WAC: variants seen among roughly 807,000 people sequenced by gnomAD.
The protein encoded by WAC is WW domain-containing adapter protein with coiled-coil.
Under a neutral mutation model 79.6 loss-of-function variants are expected in WAC, and 11 were observed. That is an observed-to-expected ratio of 0.14 (90% CI 0.09 to 0.23). WAC has a LOEUF of 0.23. WAC is among the 10% of genes least tolerant of loss of function. The pLI is 1.00. For missense variants in WAC, 728 were observed against 773.5 expected, an observed-to-expected ratio of 0.94 and a Z score of 0.70; for synonymous variants, 304 against 276.9, an observed-to-expected ratio of 1.10 and a Z score of -0.97.
chr10:28,565,442 A>T (rs1445542624), intron 3 of WAC, among the ~76,000 whole-genome samples: 1 of 152,136 alleles, frequency 6.6e-6, no homozygotes, highest in African/African-American at 2.4e-5. Context: ...GCTCAATCAT[A>T]GCTCACTGCA....
At chr10:28,611,661 G>C (rs1163943492) in intron 9 of WAC, 113 bp from the exon 10 acceptor site, 4 of 1,357,394 alleles carry the variant, frequency 2.9e-6, no homozygotes, top group Non-Finnish European at 4.0e-6. Context: ...GGTAATATGG[G>C]GGTGGGGGGG....
intron 7 of WAC, among the ~76,000 whole-genome samples, chr10:28,606,049 T>G (rs1406743421): frequency 1.3e-4 from 8 of 62,986 alleles, no homozygotes; most frequent in Non-Finnish European, 2.3e-4. Context: ...TGACAGCAGT[T>G]TTTTGGTTTT....
intron 3 of WAC, among the ~76,000 whole-genome samples, chr10:28,555,893 A>G (rs1396481981): frequency 3.3e-5 from 5 of 152,146 alleles, no homozygotes; most frequent in Non-Finnish European, 7.4e-5. Flanking sequence ...CACGAACTAA[A>G]TGAGCTTCTA....
rs1299367278 is a variant in WAC at position 28,620,380 on chromosome 10, G to A, written c.*774G>A. The stretch of plus-strand genomic sequence containing the variant: ...ATCCATTTGCACCCTGTTAAGAATG[G>A]ACTTAAAAGTACTGCTGGACAGGCA... On this transcript the variant is annotated 3_prime_UTR_variant, in exon 14 of 14. Coordinates refer to ENST00000354911, the MANE Select transcript of WAC (RefSeq NM_016628.5). 1 of 152,568 alleles carries A rather than the reference G, an allele frequency of 6.6e-6. No homozygotes were observed. Among genetic ancestry groups the A allele is most frequent in the East Asian group, 1.9e-4 (1 of 5,170 alleles). 9.5% of individuals were successfully genotyped at this position (152,568 alleles called of 1,614,324 possible). A position where few individuals can be genotyped will look rare whatever the true frequency, so the allele number is the denominator to read the frequency against.
At chr10:28,589,231 AC>A (rs1449670859) in intron 4 of WAC, 2 of 152,424 alleles carry the variant, frequency 1.3e-5, no homozygotes, top group African/African-American at 4.8e-5. Context: ...AAACAAACTT[AC>A]AGCTTTTAAT....
At chr10:28,592,289 G>A (rs1840132506) in intron 6 of WAC, among the ~76,000 whole-genome samples, 1 of 152,258 alleles carries the variant, frequency 6.6e-6, no homozygotes. Flanking sequence ...CCAGCTTGTG[G>A]GTTTTTTGAG....
At chr10:28,541,978 A>G (rs1487515727) in intron 3 of WAC, among the ~76,000 whole-genome samples, 1 of 152,106 alleles carries the variant, frequency 6.6e-6, no homozygotes, top group Non-Finnish European at 1.5e-5. Flanking sequence ...ACGGCCCTCC[A>G]GTGACTCCCT....
At chr10:28,591,465 C>A (rs332154) in intron 6 of WAC, 127,293 of 152,228 alleles carry the variant, frequency 0.84, 53,347 homozygotes, top group East Asian at 0.94. Flanking sequence ...ATTTTGTGCT[C>A]GTGGGACAAT....
intron 3 of WAC, among the ~76,000 whole-genome samples, chr10:28,557,176 C>A (rs1330741692): frequency 2.0e-5 from 3 of 151,672 alleles, no homozygotes; most frequent in African/African-American, 7.3e-5. Flanking sequence ...GTGTTTATAT[C>A]CTGACTCAGG....
At position 28,608,364 on chromosome 10, in the gene WAC, G is replaced by T; in HGVS notation, c.1098G>T (p.Leu366Phe). The change falls in exon 8 of 14, where the codon TTG (leucine) becomes TTT (phenylalanine). Residue 366 changes from leucine (L) to phenylalanine (F), a missense_variant. Around this residue, in one of 3 missense-constraint regions of WAC, gnomAD observed 648 missense variants for 661.5 expected, o/e 0.98. Coordinates refer to ENST00000354911, the MANE Select transcript of WAC (RefSeq NM_016628.5). ...LLQDPNLLRQ[L>F]LPALQATLQL... ...AGGACCCAAATCTTCTTAGACAATTGCTTCCTGCTTTGCAAGCCACGCTGC... is the reference window on the plus strand; with the variant it reads ...AGGACCCAAATCTTCTTAGACAATTTCTTCCTGCTTTGCAAGCCACGCTGC... 6.2e-7 allele frequency: 1 copy of T among 1,613,910 alleles called. No individual in the cohort carries two copies. Among genetic ancestry groups the T allele is most frequent in the Non-Finnish European group, 8.5e-7 (1 of 1,179,942 alleles).
At chr10:28,612,854 T>C (rs192191528) in intron 10 of WAC, among the ~76,000 whole-genome samples, 38 of 152,324 alleles carry the variant, frequency 2.5e-4, no homozygotes, top group African/African-American at 8.7e-4. Flanking sequence ...ATGTGAGTTT[T>C]GGCAAAAGAG....
intron 3 of WAC, among the ~76,000 whole-genome samples, chr10:28,546,048 C>T (rs1380868724): frequency 1.3e-5 from 2 of 152,142 alleles, no homozygotes. Context: ...GGAGTATTTG[C>T]ATTTTAAAGG....
chr10:28,546,867 C>CTT (rs76863753), intron 3 of WAC, among the ~76,000 whole-genome samples: 1 of 142,092 alleles, frequency 7.0e-6, no homozygotes. Flanking sequence ...TTTGATTTGT[C>CTT]TTTTTTTTTT....
Position 28,621,703 on chromosome 10 carries a change from G to A in WAC, c.*2097G>A, listed in dbSNP as rs1841698071. 1 of 152,134 alleles carries A rather than the reference G, an allele frequency of 6.6e-6. No homozygotes were observed. 9.4% of individuals were successfully genotyped at this position (152,134 alleles called of 1,614,324 possible). On this transcript the variant is annotated 3_prime_UTR_variant, in exon 14 of 14. Transcript: ENST00000354911. Reference sequence around the variant, plus strand: ...AAGAAGTGAGCAATTTGTTGTAATAGGCAAATGTTTCCTGATCAGATGGCA... The same window carrying A: ...AAGAAGTGAGCAATTTGTTGTAATAAGCAAATGTTTCCTGATCAGATGGCA...
intron 7 of WAC, among the ~76,000 whole-genome samples, chr10:28,603,991 A>ATG (rs1210668158): frequency 2.3e-5 from 3 of 130,008 alleles, no homozygotes; most frequent in Non-Finnish European, 3.3e-5. Context: ...ATATATATGT[A>ATG]TATATATATA....
chr10:28,599,243 A>G (rs1840523714), intron 7 of WAC, among the ~76,000 whole-genome samples: 1 of 152,170 alleles, frequency 6.6e-6, no homozygotes, highest in African/African-American at 2.4e-5. Flanking sequence ...TTAAGCGCTG[A>G]TGGTTCAAAT....
intron 7 of WAC, among the ~76,000 whole-genome samples, chr10:28,604,468 A>G (rs758841051): frequency 5.9e-5 from 9 of 152,164 alleles, no homozygotes; most frequent in Non-Finnish European, 1.0e-4. Context: ...GTGGTGGCTC[A>G]TGCCTGTAAT....
chr10:28,580,438 G>A (rs974564361), intron 3 of WAC, among the ~76,000 whole-genome samples: 1 of 152,310 alleles, frequency 6.6e-6, no homozygotes, highest in East Asian at 1.9e-4. Context: ...TAGAATACCT[G>A]TCAGGTCTTT....
intron 9 of WAC, 152 bp downstream of exon 9, chr10:28,610,973 G>A: frequency 2.5e-6 from 2 of 790,934 alleles, no homozygotes; most frequent in Non-Finnish European, 3.8e-6. Context: ...TGTAACACTG[G>A]CATATACAGT....
Sources: gnomAD v4.1 joint callset for allele counts (sites outside exome capture counted in the v4.1 genomes callset) on GRCh38, gnomAD v4.1.1 for gene constraint, gnomAD v4.1.1 regional missense constraint, MANE v1.5 for transcripts, NCBI Gene and HGNC (gene_info 2026-07-23, HGNC 2026-07-21) for gene names.